The following NRG1 variants were observed in gnomAD, a reference collection of about 807,000 sequenced individuals.
The protein encoded by NRG1 is neuregulin 1.
A neutral mutation model predicts 63.8 loss-of-function variants in NRG1; 18 were observed. The ratio of observed to expected loss-of-function variants is 0.28; its 90% CI spans 0.19 to 0.42. The LOEUF is 0.42. Among genes scored for constraint, NRG1 ranks in the 10% least tolerant of loss-of-function variants. The pLI is 1.00. For synonymous variants in NRG1, 302 were observed against 301.3 expected (o/e 1.00, Z -0.02); for missense variants, 762 against 814.7 (o/e 0.94, Z 0.79).
intron 1 of NRG1, among the ~76,000 whole-genome samples, chr8:31,800,512 G>A (rs1375703566): frequency 3.9e-5 from 6 of 152,270 alleles, no homozygotes; most frequent in African/African-American, 1.2e-4. Flanking sequence ...CTATTAGGAC[G>A]ATCTTCACCT....
At chr8:31,782,045 T>C (rs907143091) in intron 1 of NRG1, among the ~76,000 whole-genome samples, 4 of 152,098 alleles carry the variant, frequency 2.6e-5, no homozygotes, top group Admixed American at 2.0e-4. Context: ...GCCCTAGGTC[T>C]CTCTCCTAAG....
intron 1 of NRG1, among the ~76,000 whole-genome samples, chr8:32,239,032 C>T (rs1270588085): frequency 6.6e-6 from 1 of 152,134 alleles, no homozygotes; most frequent in Non-Finnish European, 1.5e-5. Flanking sequence ...GGTTGTTCTT[C>T]AACTTGTTAG....
chr8:31,974,449 G>A (rs1807825064), intron 1 of NRG1, among the ~76,000 whole-genome samples: 1 of 152,140 alleles, frequency 6.6e-6, no homozygotes, highest in African/African-American at 2.4e-5. Context: ...GCCTGGCCTT[G>A]AATTTCTTAA....
At position 31,952,944 on chromosome 8, in the gene NRG1, C is replaced by T. The variant is rs567637811; in HGVS notation, c.37+313513C>T. On this transcript the variant is annotated intron_variant, in intron 1 of 10. Transcript: ENST00000519301. ...TAAAGGCTAGACTTTTAATTTTATGCAGTATTTTCCTGACTCAATTATTTG... is the reference window on the plus strand; with the variant it reads ...TAAAGGCTAGACTTTTAATTTTATGTAGTATTTTCCTGACTCAATTATTTG... Among the ~76,000 whole-genome samples the T allele has an allele frequency of 3.3e-5, 5 of 152,222 alleles. No homozygotes were observed. The East Asian group carries it at 9.6e-4, about 29-fold the overall frequency.
At chr8:32,216,336 G>T (rs1044799216) in intron 1 of NRG1, among the ~76,000 whole-genome samples, 4 of 149,360 alleles carry the variant, frequency 2.7e-5, no homozygotes, top group Non-Finnish European at 5.9e-5. Context: ...GTTATTATTT[G>T]TCTCTGACAG....
At chr8:32,364,069 A>T (rs951708779) in intron 1 of NRG1, among the ~76,000 whole-genome samples, 5 of 142,152 alleles carry the variant, frequency 3.5e-5, no homozygotes, top group Non-Finnish European at 7.6e-5. Flanking sequence ...CGTACTTCTG[A>T]CTAGTCTTTT....
intron 1 of NRG1, among the ~76,000 whole-genome samples, chr8:31,992,509 T>G (rs984170199): frequency 5.3e-5 from 8 of 151,970 alleles, no homozygotes; most frequent in Non-Finnish European, 1.2e-4. Flanking sequence ...GGGAATACTG[T>G]GGGAAGAGAG....
rs551325561 is a variant in NRG1, at chr8:31,763,093, T to C, written c.37+123662T>C. On this transcript the variant is annotated intron_variant, in intron 1 of 10. Transcript: ENST00000519301. ...ATCATATAATCATCTCAATAGATGC[T>C]GAAAAGCGTTTGAAAAAAAGGTAAC... 3.7e-4 allele frequency among the ~76,000 whole-genome samples: 56 copies of C among 152,300 alleles called. 1 individual carries two copies. The highest frequency in any genetic ancestry group is 1.2e-3 in the African/African-American group (49 of 41,572).
At chr8:32,052,252 T>G (rs1055975441) in intron 1 of NRG1, among the ~76,000 whole-genome samples, 1 of 150,640 alleles carries the variant, frequency 6.6e-6, no homozygotes, top group Non-Finnish European at 1.5e-5. Flanking sequence ...TTGAAGTTCT[T>G]TACATTTTCT....
rs1291179655 is a variant in NRG1, at chr8:31,677,533, G to C, written c.37+38102G>C. 2.3e-4 allele frequency among the ~76,000 whole-genome samples: 35 copies of C among 152,212 alleles called. 1 individual carries two copies. The highest frequency in any genetic ancestry group is 8.4e-4 in the African/African-American group (35 of 41,540). On this transcript the variant is annotated intron_variant, in intron 1 of 10. Coordinates refer to the NRG1 transcript ENST00000519301. ...ATGTCAGAGGATCACTTGAGTCTGG[G>C]AATTTGAGGCTGCAGTGAGCTGAGA...
At position 32,741,123 on chromosome 8, in the gene NRG1, C is replaced by T. The variant is rs148356846; in HGVS notation, c.633-1552C>T. Among the ~76,000 whole-genome samples the T allele has an allele frequency of 6.1e-4, 92 of 151,942 alleles. No homozygotes were observed. The Middle Eastern group carries it at 0.01, about 17-fold the overall frequency. Reference sequence around the variant, plus strand: ...GTTATTAGAGTAACAGCAACAGCAACAACAAAAAAGTGGTAATTATAAAGA... The same window carrying T: ...GTTATTAGAGTAACAGCAACAGCAATAACAAAAAAGTGGTAATTATAAAGA... On this transcript the variant is annotated intron_variant, in intron 6 of 11. Transcript: ENST00000356819.
chr8:32,003,613 T>A (rs1813292446), intron 1 of NRG1, among the ~76,000 whole-genome samples: 1 of 151,970 alleles, frequency 6.6e-6, no homozygotes, highest in African/African-American at 2.4e-5. Flanking sequence ...AAAAAATAAA[T>A]AAATCAAGGA....
intron 1 of NRG1, among the ~76,000 whole-genome samples, chr8:32,462,148 G>A (rs1353663805): frequency 6.6e-6 from 1 of 152,194 alleles, no homozygotes; most frequent in Non-Finnish European, 1.5e-5. Context: ...ATAGTCTTCT[G>A]TATGTCAGAA....
rs117889559 is a variant in NRG1 at position 31,959,029 on chromosome 8, T to C, written c.37+319598T>C. Among the ~76,000 whole-genome samples the C allele has an allele frequency of 5.5e-3, 842 of 152,332 alleles. 15 individuals are homozygous for C. The East Asian group carries it at 0.081, about 15-fold the overall frequency. On this transcript the variant is annotated intron_variant, in intron 1 of 10. Transcript: ENST00000519301. ...CTCTCTGAATGTCATTTTGTTTACA[T>C]CTATTAAATGTAAGCTCTCTCTGAT... is the stretch of plus-strand genomic sequence containing the variant.
chr8:32,422,752 G>A lies in NRG1; in HGVS notation c.38-173076G>A, dbSNP rs1321124832. 2.6e-5 allele frequency among the ~76,000 whole-genome samples: 4 copies of A among 152,216 alleles called. No homozygotes were observed. In the East Asian group the frequency reaches 5.8e-4, roughly 22 times the overall value. On this transcript the variant is annotated intron_variant, in intron 1 of 10. Coordinates refer to the NRG1 transcript ENST00000519301. ...TTTTGGCTCTTTGCCAAGCTGATAG[G>A]AGAATGGAATGTCTAATGGTTTTTG...
intron 1 of NRG1, among the ~76,000 whole-genome samples, chr8:32,454,454 G>A (rs961704625): frequency 3.3e-5 from 5 of 150,584 alleles, no homozygotes; most frequent in East Asian, 3.9e-4. Flanking sequence ...CTTTACTTCC[G>A]AAAGAAGAAA....
intron 1 of NRG1, among the ~76,000 whole-genome samples, chr8:32,282,428 C>T (rs1479184875): frequency 6.6e-6 from 1 of 152,316 alleles, no homozygotes; most frequent in South Asian, 2.1e-4. Context: ...ATTTACTGTC[C>T]GCCTTCCATG....
chr8:31,681,233 G>A (rs1808311300), intron 1 of NRG1, among the ~76,000 whole-genome samples: 2 of 152,024 alleles, frequency 1.3e-5, no homozygotes, highest in African/African-American at 4.8e-5. Context: ...TATGACCTCA[G>A]ATAATGAAGA....
chr8:32,055,259 CTT>C (rs548031159), intron 1 of NRG1, among the ~76,000 whole-genome samples: 53 of 152,092 alleles, frequency 3.5e-4, no homozygotes, highest in Admixed American at 3.1e-3. Context: ...TTTTAGGTGA[CTT>C]TTTGTGTGTA....
Sources: gnomAD v4.1 joint callset for allele counts (sites outside exome capture counted in the v4.1 genomes callset) on GRCh38, gnomAD v4.1.1 for gene constraint, MANE v1.5 for transcripts, NCBI Gene and HGNC (gene_info 2026-07-23, HGNC 2026-07-21) for gene names.